Variants in TPD52L1 observed in about 807,000 individuals in gnomAD.
TPD52L1 encodes the protein tumor protein D53.
A neutral mutation model predicts 28.7 loss-of-function variants in TPD52L1; 18 were observed. That is an observed-to-expected ratio of 0.63 (90% confidence interval 0.43 to 0.93). TPD52L1 has a LOEUF of 0.93. Among genes scored for constraint, TPD52L1 ranks in the 40% least tolerant of loss-of-function variants. TPD52L1 has a pLI of 0.00. For synonymous variants in TPD52L1, 75 were observed against 88.8 expected, an observed-to-expected ratio of 0.84 and a Z score of 0.88; for missense variants, 203 against 254.8, an observed-to-expected ratio of 0.80 and a Z score of 1.39.
intron 1 of TPD52L1, among the ~76,000 whole-genome samples, chr6:125,188,866 T>C (rs1423052463): frequency 6.6e-6 from 1 of 152,232 alleles, no homozygotes; most frequent in East Asian, 1.9e-4. Context: ...AGGCATGTTT[T>C]ACTTTATTTC....
chr6:125,190,792 A>C (rs907930793), intron 1 of TPD52L1, among the ~76,000 whole-genome samples: 4 of 152,120 alleles, frequency 2.6e-5, no homozygotes, highest in Non-Finnish European at 4.4e-5. Context: ...GCTGCCACTG[A>C]TCCCACAGGT....
intron 2 of TPD52L1, among the ~76,000 whole-genome samples, chr6:125,224,800 T>C (rs1315610033): frequency 1.3e-5 from 2 of 152,240 alleles, no homozygotes; most frequent in Non-Finnish European, 2.9e-5. Context: ...AAACAAATTT[T>C]ATAAATTTCA....
chr6:125,203,735 T>C (rs1793940336), intron 1 of TPD52L1: 1 of 985,384 alleles, frequency 1.0e-6, no homozygotes. Flanking sequence ...TTGGCTCCCC[T>C]GGAGTGAAGT....
intron 1 of TPD52L1, among the ~76,000 whole-genome samples, chr6:125,202,072 A>G (rs552320075): frequency 6.6e-6 from 1 of 152,284 alleles, no homozygotes; most frequent in South Asian, 2.1e-4. Context: ...CAGTCCCAGT[A>G]GGCATGGGTC....
chr6:125,172,407 C>T (rs1258659700), intron 1 of TPD52L1, among the ~76,000 whole-genome samples: 1 of 138,224 alleles, frequency 7.2e-6, no homozygotes, highest in African/African-American at 2.7e-5. Context: ...CCCATGGCAG[C>T]CTCCCAAAGT....
chr6:125,207,064 TG>T (rs911313535), intron 1 of TPD52L1, among the ~76,000 whole-genome samples: 2 of 152,188 alleles, frequency 1.3e-5, no homozygotes, highest in Non-Finnish European at 2.9e-5. Context: ...TGATTGTTTT[TG>T]TCTTAGGGGA....
chr6:125,167,694 G>T (rs1791000081), intron 1 of TPD52L1, among the ~76,000 whole-genome samples: 1 of 152,158 alleles, frequency 6.6e-6, no homozygotes, highest in Non-Finnish European at 1.5e-5. Context: ...ATTACATCGT[G>T]CAGTGCTTAA....
At chr6:125,194,771 T>C (rs1793304543) in intron 1 of TPD52L1, among the ~76,000 whole-genome samples, 1 of 152,264 alleles carries the variant, frequency 6.6e-6, no homozygotes, top group Non-Finnish European at 1.5e-5. Flanking sequence ...AAATATTCCT[T>C]ATTTGTGTTA....
chr6:125,216,188 T>C (rs996984450), intron 1 of TPD52L1, among the ~76,000 whole-genome samples: 2 of 152,148 alleles, frequency 1.3e-5, no homozygotes, highest in Non-Finnish European at 2.9e-5. Flanking sequence ...GTTCCCTACA[T>C]TCTCTTGAGT....
chr6:125,233,679 C>T (rs1043957600), intron 3 of TPD52L1, among the ~76,000 whole-genome samples: 4 of 152,128 alleles, frequency 2.6e-5, no homozygotes, highest in African/African-American at 7.2e-5. Context: ...GGAACACTTT[C>T]TTTTAAATCT....
chr6:125,212,371 A>G (rs181044587), intron 1 of TPD52L1, among the ~76,000 whole-genome samples: 62 of 152,350 alleles, frequency 4.1e-4, no homozygotes, highest in Non-Finnish European at 8.1e-4. Context: ...GCGATTCTGC[A>G]ACTTTTACAT....
intron 1 of TPD52L1, among the ~76,000 whole-genome samples, chr6:125,164,219 G>A (rs192796330): frequency 4.6e-5 from 7 of 152,314 alleles, no homozygotes; most frequent in African/African-American, 1.4e-4. Context: ...TAAACGGGCA[G>A]AATTTAATTG....
At chr6:125,258,146 G>T (rs1403846748) in intron 6 of TPD52L1, among the ~76,000 whole-genome samples, 2 of 152,100 alleles carry the variant, frequency 1.3e-5, no homozygotes, top group East Asian at 3.9e-4. Flanking sequence ...ATTTTGACCT[G>T]GAGAGTCTTT....
At chr6:125,187,331 T>C (rs1792709141) in intron 1 of TPD52L1, among the ~76,000 whole-genome samples, 1 of 152,170 alleles carries the variant, frequency 6.6e-6, no homozygotes, top group Non-Finnish European at 1.5e-5. Flanking sequence ...CATGTCTTGC[T>C]GGTAGAAATG....
chr6:125,251,808 T>C (rs752754294), intron 4 of TPD52L1, among the ~76,000 whole-genome samples: 2 of 152,256 alleles, frequency 1.3e-5, no homozygotes, highest in African/African-American at 4.8e-5. Context: ...ATCATTGTTA[T>C]ATACTTATAG....
At chr6:125,243,521 AT>A (rs1172489986) in intron 3 of TPD52L1, among the ~76,000 whole-genome samples, 1 of 151,662 alleles carries the variant, frequency 6.6e-6, no homozygotes, top group African/African-American at 2.4e-5. Context: ...TCTTTGTTGG[AT>A]TGTGTTAATT....
chr6:125,237,441 A>G (rs1001234356), intron 3 of TPD52L1, among the ~76,000 whole-genome samples: 2 of 152,138 alleles, frequency 1.3e-5, no homozygotes, highest in East Asian at 3.9e-4. Context: ...GATGAATTTG[A>G]TTTGGAGAAT....
At chr6:125,247,560 G>T (rs575393094) in intron 3 of TPD52L1, among the ~76,000 whole-genome samples, 1 of 152,028 alleles carries the variant, frequency 6.6e-6, no homozygotes, top group Non-Finnish European at 1.5e-5. Context: ...GTCACAAAAG[G>T]TTGTCCCTTT....
At chr6:125,155,612 G>A (rs1790065272) in intron 1 of TPD52L1, among the ~76,000 whole-genome samples, 1 of 152,202 alleles carries the variant, frequency 6.6e-6, no homozygotes, top group Admixed American at 6.5e-5. Flanking sequence ...ATTTACAGTA[G>A]AGGAAGAGAC....
Sources: allele counts gnomAD v4.1 joint callset (sites outside exome capture counted in the v4.1 genomes callset), GRCh38; gene constraint gnomAD v4.1.1; transcripts MANE v1.5; gene names NCBI Gene and HGNC (gene_info 2026-07-23, HGNC 2026-07-21).